SH3PXD2A: variants seen among roughly 807,000 people sequenced by gnomAD.
The protein encoded by SH3PXD2A is SH3 and PX domains 2A, also known as SH3 and PX domain-containing protein 2A.
In SH3PXD2A, 32 loss-of-function variants were observed where a neutral mutation model predicts 115.2. That is an observed-to-expected ratio of 0.28 (90% confidence interval 0.21 to 0.37). The LOEUF (loss-of-function observed/expected upper bound fraction) is 0.37, where lower values mean the gene tolerates loss of function less well. SH3PXD2A is among the 10% of genes least tolerant of loss of function. The probability of loss-of-function intolerance (pLI) is 1.00; values close to 1 mark genes in which losing one functional copy is unlikely to be tolerated. For missense variants in SH3PXD2A, 1,328 were observed against 1,498.7 expected (o/e 0.89, Z 1.88); for synonymous variants, 610 against 629.1 (o/e 0.97, Z 0.45).
chr10:103,639,608 T>TAAAAA (rs67918508), intron 8 of SH3PXD2A, among the ~76,000 whole-genome samples: 1 of 85,846 alleles, frequency 1.2e-5, no homozygotes, highest in Non-Finnish European at 2.3e-5. Context: ...GACTCCGTCT[T>TAAAAA]AAAAAAAAAA....
intron 6 of SH3PXD2A, among the ~76,000 whole-genome samples, chr10:103,678,478 G>A (rs1440386251): frequency 1.3e-5 from 2 of 152,210 alleles, no homozygotes; most frequent in Admixed American, 6.5e-5. Flanking sequence ...ACAGCTCGGC[G>A]GCTCTGTCTA....
intron 1 of SH3PXD2A, among the ~76,000 whole-genome samples, chr10:103,847,086 A>C (rs906121615): frequency 2.0e-5 from 3 of 152,256 alleles, no homozygotes; most frequent in South Asian, 4.1e-4. Context: ...AATAAGGTTT[A>C]CTAGACTATC....
At chr10:103,647,012 C>CCT (rs2037045854) in intron 8 of SH3PXD2A, among the ~76,000 whole-genome samples, 1 of 141,090 alleles carries the variant, frequency 7.1e-6, no homozygotes, top group Admixed American at 7.1e-5. Flanking sequence ...TGGAGGGAGG[C>CCT]CTCTATGGGG....
intron 3 of SH3PXD2A, chr10:103,754,748 T>C (rs1011920677): frequency 1.3e-5 from 2 of 152,058 alleles, no homozygotes; most frequent in African/African-American, 4.8e-5. Flanking sequence ...GCAGCTCAGG[T>C]GTATGTAAGG....
In SH3PXD2A at chr10:103,661,072, A is replaced by T. The variant is rs1175310067; in HGVS notation, c.515T>A (p.Val172Glu). ...TAEPMILEQY[V>E]VVSNYKKQEN... ...CTGCTTCTTATAGTTGGACACCACC[A>T]CGTACTGTTCCAGGATCATGGGCTC... Residue 172 changes from valine (V) to glutamate (E), a missense_variant, in exon 8 of 15, where the codon GTG becomes GAG. Around this residue, in one of 5 missense-constraint regions of SH3PXD2A, gnomAD observed 90 missense variants for 71.1 expected, o/e 1.27. Coordinates refer to ENST00000369774, the MANE Select transcript of SH3PXD2A (RefSeq NM_001394015.1). 6.2e-7 allele frequency: 1 copy of T among 1,614,054 alleles called. No homozygotes were observed.
intron 8 of SH3PXD2A, among the ~76,000 whole-genome samples, chr10:103,646,648 T>C (rs977914447): frequency 5.3e-5 from 8 of 152,198 alleles, no homozygotes; most frequent in South Asian, 2.1e-4. Flanking sequence ...GGCAACTGTA[T>C]GTGTCCCCTG....
chr10:103,735,070 A>T (rs2038364944), intron 4 of SH3PXD2A, among the ~76,000 whole-genome samples: 1 of 152,252 alleles, frequency 6.6e-6, no homozygotes, highest in Non-Finnish European at 1.5e-5. Flanking sequence ...TCCAGAGGCC[A>T]TGTGCCAAGG....
intron 8 of SH3PXD2A, 84 bp downstream of exon 8, chr10:103,660,899 G>C (rs1037380326): frequency 1.4e-6 from 2 of 1,392,006 alleles, no homozygotes; most frequent in South Asian, 1.2e-5. Context: ...CTGCAGCGGT[G>C]GGGGAGGAGG....
At chr10:103,608,153 A>AAAAAAAAAAAAAAAGTTTAC (rs1564842926) in intron 13 of SH3PXD2A, among the ~76,000 whole-genome samples, 128 of 141,544 alleles carry the variant, frequency 9.0e-4, no homozygotes, top group Non-Finnish European at 1.5e-3. Flanking sequence ...ATCAATTTAA[A>AAAAAAAAAAAAAAAGTTTAC]AAAAAAAAAA....
chr10:103,745,065 C>T (rs1436769231), intron 3 of SH3PXD2A, among the ~76,000 whole-genome samples: 1 of 152,236 alleles, frequency 6.6e-6, no homozygotes, highest in Admixed American at 6.5e-5. Context: ...GGGAATCAGC[C>T]TGGGACTACT....
chr10:103,845,887 T>C (rs1229587211), intron 1 of SH3PXD2A, among the ~76,000 whole-genome samples: 1 of 152,180 alleles, frequency 6.6e-6, no homozygotes, highest in African/African-American at 2.4e-5. Flanking sequence ...TAGGCAAAAG[T>C]GCAAACCAGC....
At chr10:103,806,168 G>A (rs1474729587) in intron 1 of SH3PXD2A, among the ~76,000 whole-genome samples, 1 of 152,102 alleles carries the variant, frequency 6.6e-6, no homozygotes, top group Non-Finnish European at 1.5e-5. Context: ...CCATTCCCAG[G>A]TTCTCCCAAA....
chr10:103,839,176 ACT>A (rs1434686373), intron 1 of SH3PXD2A, among the ~76,000 whole-genome samples: 1 of 151,936 alleles, frequency 6.6e-6, no homozygotes, highest in Non-Finnish European at 1.5e-5. Context: ...AGAAATCCCA[ACT>A]CTCTTTTTTC....
At position 103,603,530 on chromosome 10, in the gene SH3PXD2A, A is replaced by C; in HGVS notation, c.1688T>G (p.Phe563Cys). Residue 563 changes from phenylalanine to cysteine, a missense_variant, in exon 15 of 15, where the codon TTC becomes TGC. Physicochemically the swap from Phe to Cys is radical, Grantham distance 205 (BLOSUM62 -2). Around this residue, in one of 5 missense-constraint regions of SH3PXD2A, gnomAD observed 509 missense variants for 628.3 expected, o/e 0.81. Transcript: ENST00000369774. Reference protein sequence around the residue: ...YEEPEYDIPAFGFDSEPELSE... With the variant: ...YEEPEYDIPACGFDSEPELSE... ...CAGCTCAGGCTCTGAGTCAAAGCCG[A>C]ATGCAGGGATGTCATACTCAGGCTC... 1.2e-6 allele frequency: 2 copies of C among 1,612,826 alleles called. No individual in the cohort carries two copies. Among genetic ancestry groups the C allele is most frequent in the Non-Finnish European group, 1.7e-6 (2 of 1,179,310 alleles).
At chr10:103,657,925 G>A (rs867897355) in intron 8 of SH3PXD2A, among the ~76,000 whole-genome samples, 2 of 152,206 alleles carry the variant, frequency 1.3e-5, no homozygotes, top group South Asian at 2.1e-4. Context: ...CACCTGGGAT[G>A]GGCCCATTCT....
intron 2 of SH3PXD2A, among the ~76,000 whole-genome samples, chr10:103,791,504 A>T (rs1214741967): frequency 6.6e-6 from 1 of 152,164 alleles, no homozygotes; most frequent in African/African-American, 2.4e-5. Context: ...AGCTCTCTTG[A>T]TGTCCACAGG....
intron 8 of SH3PXD2A, among the ~76,000 whole-genome samples, chr10:103,638,548 G>A (rs747122952): frequency 7.2e-5 from 11 of 152,260 alleles, no homozygotes; most frequent in African/African-American, 1.2e-4. Context: ...GGTTTCCAGC[G>A]AGGGCGCCAG....
At chr10:103,781,608 G>T (rs1589452212) in intron 2 of SH3PXD2A, among the ~76,000 whole-genome samples, 1 of 152,244 alleles carries the variant, frequency 6.6e-6, no homozygotes, top group African/African-American at 2.4e-5. Context: ...AATAGAAAAT[G>T]TAGATTCCTC....
chr10:103,627,081 G>A lies in SH3PXD2A; in HGVS notation c.718+8C>T. 6.5e-7 allele frequency: 1 copy of A among 1,539,234 alleles called. No individual in the cohort carries two copies. Among genetic ancestry groups the A allele is most frequent in the Non-Finnish European group, 9.0e-7 (1 of 1,111,688 alleles). ...TGCTCCCTGCCCCTTGGACCTGCAA[G>A]CCCTCACCTTCTCCAGTCTTAGAGG... is the stretch of plus-strand genomic sequence containing the variant. On this transcript the variant is annotated splice_region_variant and intron_variant, in intron 9 of 14. Coordinates refer to ENST00000369774, the MANE Select transcript of SH3PXD2A (RefSeq NM_001394015.1). This position sits in a 1 kb window ranked among gnomAD's most constrained non-coding sequence, Gnocchi z 4.4.
Sources: allele counts gnomAD v4.1 joint callset (sites outside exome capture counted in the v4.1 genomes callset), GRCh38; gene constraint gnomAD v4.1.1; regional missense constraint gnomAD v4.1.1; non-coding constraint Gnocchi (gnomAD v3.1); transcripts MANE v1.5; gene names NCBI Gene and HGNC (gene_info 2026-07-23, HGNC 2026-07-21).